ZNF804A: variants seen among roughly 807,000 people sequenced by gnomAD.
The protein encoded by ZNF804A is zinc finger protein 804A.
A neutral mutation model predicts 16.5 loss-of-function variants in ZNF804A; 2 were observed. The observed-to-expected ratio is 0.12, with a 90% CI of 0.05 to 0.38. The LOEUF (loss-of-function observed/expected upper bound fraction) is 0.38. ZNF804A is among the 10% of genes least tolerant of loss of function. The pLI is 0.99. For synonymous variants in ZNF804A, 534 were observed against 489.6 expected, an observed-to-expected ratio of 1.09 and a Z score of -1.20; for missense variants, 1,473 against 1,390.7, an observed-to-expected ratio of 1.06 and a Z score of -0.94.
At chr2:184,884,542 C>G (rs1684857288) in intron 2 of ZNF804A, among the ~76,000 whole-genome samples, 1 of 151,954 alleles carries the variant, frequency 6.6e-6, no homozygotes, top group Non-Finnish European at 1.5e-5. Context: ...CACATTACCC[C>G]TTTTTAAACT....
intron 1 of ZNF804A, among the ~76,000 whole-genome samples, chr2:184,635,283 A>G (rs1485438386): frequency 3.3e-5 from 5 of 152,146 alleles, no homozygotes; most frequent in South Asian, 2.1e-4. Context: ...AGGATTTCCT[A>G]TGGAAGTTTA....
chr2:184,632,243 T>A (rs1691623706), intron 1 of ZNF804A, among the ~76,000 whole-genome samples: 2 of 152,232 alleles, frequency 1.3e-5, no homozygotes, highest in African/African-American at 4.8e-5. Flanking sequence ...GTTTGAGTAA[T>A]CTTATCCATC....
chr2:184,914,921 T>G (rs1685421295), intron 2 of ZNF804A, among the ~76,000 whole-genome samples: 1 of 151,742 alleles, frequency 6.6e-6, no homozygotes, highest in Non-Finnish European at 1.5e-5. Context: ...TTTGATATGT[T>G]GATTTACTTG....
chr2:184,730,016 G>A (rs1390004706), intron 1 of ZNF804A, among the ~76,000 whole-genome samples: 2 of 151,910 alleles, frequency 1.3e-5, no homozygotes, highest in African/African-American at 2.4e-5. Context: ...ACCAATAAAT[G>A]GTAACTACTA....
intron 1 of ZNF804A, among the ~76,000 whole-genome samples, chr2:184,783,141 T>TTG (rs1553478121): frequency 8.1e-6 from 1 of 123,370 alleles, no homozygotes; most frequent in East Asian, 2.1e-4. Context: ...AGAGTGAGTT[T>TTG]TTTTTTTTTT....
chr2:184,720,893 A>G (rs111272097), intron 1 of ZNF804A, among the ~76,000 whole-genome samples: 2,157 of 152,296 alleles, frequency 0.014, 59 homozygotes, highest in African/African-American at 0.049. Flanking sequence ...ATACAAAAAC[A>G]GATACATAAA....
intron 2 of ZNF804A, among the ~76,000 whole-genome samples, chr2:184,867,572 C>T (rs918825222): frequency 1.3e-4 from 19 of 151,862 alleles, no homozygotes; most frequent in African/African-American, 3.4e-4. Context: ...CATACTTCAC[C>T]GATTAATGCA....
chr2:184,802,300 C>A (rs545308915), intron 1 of ZNF804A, among the ~76,000 whole-genome samples: 1 of 152,266 alleles, frequency 6.6e-6, no homozygotes, highest in Admixed American at 6.5e-5. Context: ...TAAAGTTAGG[C>A]TCTGCTCAAG....
intron 1 of ZNF804A, among the ~76,000 whole-genome samples, chr2:184,738,125 T>TA (rs375979448): frequency 0.077 from 8,780 of 113,844 alleles, 309 homozygotes; most frequent in Middle Eastern, 0.12. Context: ...GAACTTTGTC[T>TA]AAAAAAAAAA....
At chr2:184,780,038 C>G (rs1332419372) in intron 1 of ZNF804A, among the ~76,000 whole-genome samples, 1 of 151,738 alleles carries the variant, frequency 6.6e-6, no homozygotes, top group Non-Finnish European at 1.5e-5. Context: ...AGGTTCACGA[C>G]CATTCTAGAA....
rs139664692 is a variant in ZNF804A at position 184,642,053 on chromosome 2, C to T, written c.111+42983C>T. On this transcript the variant is annotated intron_variant, in intron 1 of 3. Transcript: ENST00000302277. Reference sequence around the variant, plus strand: ...ACACACACATGCACACATTTATGCACGTGACCATGCACTCTTGATGTTTCT... The same window carrying T: ...ACACACACATGCACACATTTATGCATGTGACCATGCACTCTTGATGTTTCT... 3.1e-3 allele frequency among the ~76,000 whole-genome samples: 472 copies of T among 152,220 alleles called. 3 individuals are homozygous for T. Among genetic ancestry groups the T allele is most frequent in the African/African-American group, 0.011 (452 of 41,544 alleles).
chr2:184,854,161 C>A (rs1256109981), intron 1 of ZNF804A, among the ~76,000 whole-genome samples: 1 of 151,816 alleles, frequency 6.6e-6, no homozygotes, highest in African/African-American at 2.4e-5. Context: ...ATACAAAAAT[C>A]TGAAATCTGA....
intron 1 of ZNF804A, among the ~76,000 whole-genome samples, chr2:184,675,755 T>G (rs917516680): frequency 1.3e-5 from 2 of 151,798 alleles, no homozygotes; most frequent in African/African-American, 4.8e-5. Context: ...AAATCAGATC[T>G]CCAACATAGT....
intron 1 of ZNF804A, among the ~76,000 whole-genome samples, chr2:184,679,119 C>A (rs1476074880): frequency 6.6e-6 from 1 of 152,062 alleles, no homozygotes; most frequent in Non-Finnish European, 1.5e-5. Context: ...TAATGAATCC[C>A]ACAGAATAGA....
chr2:184,618,890 A>T (rs1691373747), intron 1 of ZNF804A, among the ~76,000 whole-genome samples: 1 of 152,090 alleles, frequency 6.6e-6, no homozygotes, highest in Non-Finnish European at 1.5e-5. Context: ...GTTTTCAGCT[A>T]AGACAGTTTA....
intron 1 of ZNF804A, among the ~76,000 whole-genome samples, chr2:184,676,799 TC>T (rs1692443380): frequency 6.6e-6 from 1 of 151,812 alleles, no homozygotes; most frequent in Non-Finnish European, 1.5e-5. Context: ...ACTGTAGTGT[TC>T]TATGACCTTT....
chr2:184,874,966 G>A (rs138713104), intron 2 of ZNF804A, among the ~76,000 whole-genome samples: 1 of 152,068 alleles, frequency 6.6e-6, no homozygotes, highest in Non-Finnish European at 1.5e-5. Context: ...TACATAACAG[G>A]AAATACAGTA....
chr2:184,906,299 T>C (rs939884962), intron 2 of ZNF804A, among the ~76,000 whole-genome samples: 7 of 152,130 alleles, frequency 4.6e-5, no homozygotes, highest in African/African-American at 1.7e-4. Flanking sequence ...TTCTTTTTTC[T>C]TTGTTGTTTG....
At chr2:184,706,081 T>C (rs917801000) in intron 1 of ZNF804A, among the ~76,000 whole-genome samples, 3 of 152,192 alleles carry the variant, frequency 2.0e-5, no homozygotes, top group African/African-American at 7.2e-5. Context: ...CAGTGAGCTC[T>C]ATCAACATAA....
Sources: gnomAD v4.1 joint callset for allele counts (sites outside exome capture counted in the v4.1 genomes callset) on GRCh38, gnomAD v4.1.1 for gene constraint, MANE v1.5 for transcripts, NCBI Gene and HGNC (gene_info 2026-07-23, HGNC 2026-07-21) for gene names.